Variants in TMSB4Y observed in about 807,000 individuals in gnomAD.
TMSB4Y encodes thymosin beta 4 Y-linked, also known as thymosin beta-4, Y-chromosomal.
TMSB4Y carries 2 observed loss-of-function variants against 1.0 expected under a neutral mutation model. The observed-to-expected ratio is 2.00, with a 90% CI of 0.82 to 6.31. The LOEUF is 6.31. Ranked by LOEUF, TMSB4Y falls within the 30% of genes most tolerant of loss-of-function variation. TMSB4Y has a pLI of 0.05. For missense variants in TMSB4Y, 12 were observed against 9.1 expected (o/e 1.31, Z -0.41); for synonymous variants, 7 against 3.6 (o/e 1.96, Z -1.08).
chrY:13,705,187 C>G (rs1177095740), intron 1 of TMSB4Y, 38 bp from the exon 2 acceptor site: 2 of 391,289 alleles, frequency 5.1e-6, no homozygotes, highest in South Asian at 3.0e-5. Flanking sequence ...AATCATCCCA[C>G]TCCATCTTTT....
In TMSB4Y at chrY:13,705,321, C is replaced by G. The variant is rs777729379; in HGVS notation, c.*62C>G. 4.3e-3 allele frequency: 1,375 copies of G among 323,421 alleles called. No homozygotes were observed. The highest frequency in any genetic ancestry group is 5.9e-3 in the Non-Finnish European group (1,284 of 218,885). The allele number at this position is 323,421 out of a possible 400,897, so 80.7% of individuals were successfully genotyped here. ...CAAGCATTGCTTTCTTATTTTACTT[C>G]TTTTACTTGTTTAACTTGGTTAGAT... On this transcript the variant is annotated 3_prime_UTR_variant, in exon 2 of 2. Coordinates refer to ENST00000284856, the MANE Select transcript of TMSB4Y (RefSeq NM_004202.3).
Position 13,705,239 on chromosome Y carries a change from A to T in TMSB4Y, c.115A>T (p.Arg39Trp). The T allele has an allele frequency of 7.5e-6, 3 of 397,958 alleles. No individual in the cohort carries two copies. In the South Asian group the frequency reaches 8.9e-5, roughly 12 times the overall value. Reference sequence around the variant, plus strand: ...TCTGGTCGCAGCTATCGAACAGGAGAGGCAAGCAGGCGAATCTTAAACAGG... The same window carrying T: ...TCTGGTCGCAGCTATCGAACAGGAGTGGCAAGCAGGCGAATCTTAAACAGG... ...LSSKETIEQE[R>W]QAGES Residue 39 changes from arginine to tryptophan, a missense_variant, in exon 2 of 2, where the codon AGG (arginine) becomes TGG (tryptophan). By Grantham distance (101) the Arg-to-Trp change is moderately radical. Transcript: ENST00000284856.
In TMSB4Y at chrY:13,704,454, C is replaced by T; in HGVS notation, c.100+19C>T. 2.9e-6 allele frequency: 1 copy of T among 349,669 alleles called. No homozygotes were observed. Among genetic ancestry groups the T allele is most frequent in the Non-Finnish European group, 4.2e-6 (1 of 240,601 alleles). The allele number at this position is 349,669 out of a possible 400,897, so 87.2% of individuals were successfully genotyped here. A position where few individuals can be genotyped will look rare whatever the true frequency, so the allele number is the denominator to read the frequency against. On this transcript the variant is annotated intron_variant, in intron 1 of 1. Transcript: ENST00000284856. Reference sequence around the variant, plus strand: ...AAAGAAAGTAAGCTCCGATCCTCCCCCATCTTTAGAAAGGCTGGAATGCGA... The same window carrying T: ...AAAGAAAGTAAGCTCCGATCCTCCCTCATCTTTAGAAAGGCTGGAATGCGA...
chrY:13,705,069 G>T, intron 1 of TMSB4Y, among the ~76,000 whole-genome samples, 156 bp from the exon 2 acceptor site: 1 of 33,337 alleles, frequency 3.0e-5, no homozygotes, highest in South Asian at 6.8e-4. Flanking sequence ...CTTGCAGAAC[G>T]TTTAGGATAT....
Position 13,704,390 on chromosome Y carries a change from A to C in TMSB4Y, c.55A>C (p.Lys19Gln). 2.3e-5 allele frequency: 9 copies of C among 396,611 alleles called. No individual in the cohort carries two copies. Among genetic ancestry groups the C allele is most frequent in the Non-Finnish European group, 2.8e-5 (8 of 281,895 alleles). ...CGAGAAATTCGATAAGTCGAAACTG[A>C]AGAAGACAGAAACGCAAGAGAAGAA... ...EIEKFDKSKL[K>Q]KTETQEKNPL... The change falls in exon 1 of 2, where the codon AAG becomes CAG. Residue 19 changes from lysine to glutamine, a missense_variant. Coordinates refer to ENST00000284856, the MANE Select transcript of TMSB4Y (RefSeq NM_004202.3).
intron 1 of TMSB4Y, 109 bp downstream of exon 1, chrY:13,704,544 C>T: frequency 5.4e-6 from 1 of 183,536 alleles, no homozygotes; most frequent in African/African-American, 8.5e-5. Context: ...CAGGGGAGGG[C>T]GCTCAAGGAG....
In TMSB4Y at chrY:13,705,992, G is replaced by A. The variant is rs2079761300; in HGVS notation, c.*733G>A. ...AGGGACTTAATTACAAACTTAAGAC[G>A]TAAGTGTGCAATAAAGTAAGCTAAG... On this transcript the variant is annotated 3_prime_UTR_variant, in exon 2 of 2. Coordinates refer to ENST00000284856, the MANE Select transcript of TMSB4Y (RefSeq NM_004202.3). 8.7e-5 allele frequency: 3 copies of A among 34,302 alleles called. No homozygotes were observed. The highest frequency in any genetic ancestry group is 6.4e-4 in the South Asian group (1 of 1,562). 8.6% of individuals were successfully genotyped at this position (34,302 alleles called of 400,897 possible).
chrY:13,705,212 T>C lies in TMSB4Y; in HGVS notation c.101-13T>C, dbSNP rs762784726. On this transcript the variant is annotated splice_polypyrimidine_tract_variant and intron_variant, in intron 1 of 1. Coordinates refer to ENST00000284856, the MANE Select transcript of TMSB4Y (RefSeq NM_004202.3). ...CTCCATCTTTTTCCTTTTCTGTTTT[T>C]TTCTGGTCGCAGCTATCGAACAGGA... 1.0e-5 allele frequency: 4 copies of C among 397,867 alleles called. No individual in the cohort carries two copies. Among genetic ancestry groups the C allele is most frequent in the Non-Finnish European group, 1.4e-5 (4 of 282,751 alleles).
chrY:13,704,325 C>T lies in TMSB4Y; in HGVS notation c.-11C>T, dbSNP rs774548459. On this transcript the variant is annotated 5_prime_UTR_variant, in exon 1 of 2. Transcript: ENST00000284856. ...CACTTTGGATTGCTCCCTACGGCTT[C>T]CTCCGCAGCCATGTCTGACAAACCT... 7.8e-6 allele frequency: 3 copies of T among 385,878 alleles called. No individual in the cohort carries two copies. The highest frequency in any genetic ancestry group is 1.1e-5 in the Non-Finnish European group (3 of 272,238).
chrY:13,704,354 A>G lies in TMSB4Y; in HGVS notation c.19A>G (p.Met7Val). Residue 7 changes from methionine (M) to valine (V), a missense_variant, in exon 1 of 2, where the codon ATG becomes GTG. Transcript: ENST00000284856. ...CGCAGCCATGTCTGACAAACCTGGT[A>G]TGGCTGAGATCGAGAAATTCGATAA... Reference protein sequence around the residue: MSDKPGMAEIEKFDKSK... With the variant: MSDKPGVAEIEKFDKSK... The G allele has an allele frequency of 2.5e-6, 1 of 396,836 alleles. No individual in the cohort carries two copies. The highest frequency in any genetic ancestry group is 3.0e-5 in the South Asian group (1 of 33,733).
Position 13,705,451 on chromosome Y carries a change from G to T in TMSB4Y, c.*192G>T. 9.5e-6 allele frequency: 1 copy of T among 105,437 alleles called. No individual in the cohort carries two copies. Among genetic ancestry groups the T allele is most frequent in the South Asian group, 1.4e-4 (1 of 7,181 alleles). The allele number at this position is 105,437 out of a possible 400,897, so 26.3% of individuals were successfully genotyped here. On this transcript the variant is annotated 3_prime_UTR_variant, in exon 2 of 2. Coordinates refer to ENST00000284856, the MANE Select transcript of TMSB4Y (RefSeq NM_004202.3). ...GCTTCTCCCATCGCCTGTCTGGCTG[G>T]CAGGGAAGGAAAATAGCTTGAATGT... is the stretch of plus-strand genomic sequence containing the variant.
chrY:13,705,530 T>C lies in TMSB4Y; in HGVS notation c.*271T>C. ...CAGTGAAATCTAGAGTAAAACCAAG[T>C]TGGGCCAAGTGTCCTGCAGAATCTA... On this transcript the variant is annotated 3_prime_UTR_variant, in exon 2 of 2. Coordinates refer to ENST00000284856, the MANE Select transcript of TMSB4Y (RefSeq NM_004202.3). 1 of 73,582 alleles carries C rather than the reference T, an allele frequency of 1.4e-5. No homozygotes were observed. Among genetic ancestry groups the C allele is most frequent in the Non-Finnish European group, 2.6e-5 (1 of 38,265 alleles). 18.4% of individuals were successfully genotyped at this position (73,582 alleles called of 400,897 possible).
Position 13,704,220 on chromosome Y carries a change from G to A in TMSB4Y, c.-116G>A. The A allele has an allele frequency of 6.1e-6, 1 of 163,544 alleles. No individual in the cohort carries two copies. The highest frequency in any genetic ancestry group is 1.2e-5 in the Non-Finnish European group (1 of 85,518). The allele number at this position is 163,544 out of a possible 400,897, so 40.8% of individuals were successfully genotyped here. ...ACAGCAGGGGACGGAGGGCGAGAAGGGCTTTCTCAGGTTGCGGGTCGGAGG... is the reference window on the plus strand; with the variant it reads ...ACAGCAGGGGACGGAGGGCGAGAAGAGCTTTCTCAGGTTGCGGGTCGGAGG... On this transcript the variant is annotated 5_prime_UTR_variant, in exon 1 of 2. Transcript: ENST00000284856.
chrY:13,705,375 C>A lies in TMSB4Y; in HGVS notation c.*116C>A. The A allele has an allele frequency of 1.2e-5, 2 of 163,369 alleles. No homozygotes were observed. 40.8% of individuals were successfully genotyped at this position (163,369 alleles called of 400,897 possible). On this transcript the variant is annotated 3_prime_UTR_variant, in exon 2 of 2. Coordinates refer to ENST00000284856, the MANE Select transcript of TMSB4Y (RefSeq NM_004202.3). Reference sequence around the variant, plus strand: ...AACACGTTGGATGAGTTTGAAAGGACTATGCTGCCCTTTTGACATCAAAGA... The same window carrying A: ...AACACGTTGGATGAGTTTGAAAGGAATATGCTGCCCTTTTGACATCAAAGA...
Position 13,705,360 on chromosome Y carries a change from A to G in TMSB4Y, c.*101A>G. ...ACTTGGTTAGATGCAAACACGTTGGATGAGTTTGAAAGGACTATGCTGCCC... is the reference window on the plus strand; with the variant it reads ...ACTTGGTTAGATGCAAACACGTTGGGTGAGTTTGAAAGGACTATGCTGCCC... On this transcript the variant is annotated 3_prime_UTR_variant, in exon 2 of 2. Transcript: ENST00000284856. 1 of 235,861 alleles carries G rather than the reference A, an allele frequency of 4.2e-6. No homozygotes were observed. Among genetic ancestry groups the G allele is most frequent in the Non-Finnish European group, 6.9e-6 (1 of 144,421 alleles). 58.8% of individuals were successfully genotyped at this position (235,861 alleles called of 400,897 possible).
In TMSB4Y at chrY:13,704,109, G is replaced by C; in HGVS notation, c.-227G>C. ...GAACATTCCACTTTGAGAGGGATCT[G>C]TCCTCTTTGGTCCCCTGCGTTTTCA... On this transcript the variant is annotated 5_prime_UTR_variant, in exon 1 of 2. Coordinates refer to ENST00000284856, the MANE Select transcript of TMSB4Y (RefSeq NM_004202.3). 3 of 119,395 alleles carry C rather than the reference G, an allele frequency of 2.5e-5. No homozygotes were observed. Among genetic ancestry groups the C allele is most frequent in the Non-Finnish European group, 4.9e-5 (3 of 61,370 alleles). 29.8% of individuals were successfully genotyped at this position (119,395 alleles called of 400,897 possible). A position where few individuals can be genotyped will look rare whatever the true frequency, so the allele number is the denominator to read the frequency against.
chrY:13,704,202 G>C lies in TMSB4Y; in HGVS notation c.-134G>C. ...GAAGCTCATGAGCGCGAAACAGCAG[G>C]GGACGGAGGGCGAGAAGGGCTTTCT... is the stretch of plus-strand genomic sequence containing the variant. On this transcript the variant is annotated 5_prime_UTR_variant, in exon 1 of 2. Coordinates refer to ENST00000284856, the MANE Select transcript of TMSB4Y (RefSeq NM_004202.3). 1 of 151,874 alleles carries C rather than the reference G, an allele frequency of 6.6e-6. No individual in the cohort carries two copies. The allele number at this position is 151,874 out of a possible 400,897, so 37.9% of individuals were successfully genotyped here. A position where few individuals can be genotyped will look rare whatever the true frequency, so the allele number is the denominator to read the frequency against.
chrY:13,704,721 T>G, intron 1 of TMSB4Y, among the ~76,000 whole-genome samples: 1 of 32,896 alleles, frequency 3.0e-5, no homozygotes, highest in Admixed American at 2.7e-4. Context: ...ATTAACTTGG[T>G]TTGCTGGAGG....
chrY:13,705,450 G>A lies in TMSB4Y; in HGVS notation c.*191G>A. The A allele has an allele frequency of 9.5e-6, 1 of 105,260 alleles. No homozygotes were observed. The allele number at this position is 105,260 out of a possible 400,897, so 26.3% of individuals were successfully genotyped here. A position where few individuals can be genotyped will look rare whatever the true frequency, so the allele number is the denominator to read the frequency against. On this transcript the variant is annotated 3_prime_UTR_variant, in exon 2 of 2. Transcript: ENST00000284856. ...TGCTTCTCCCATCGCCTGTCTGGCT[G>A]GCAGGGAAGGAAAATAGCTTGAATG...
Sources: gnomAD v4.1 joint callset for allele counts (sites outside exome capture counted in the v4.1 genomes callset) on GRCh38, gnomAD v4.1.1 for gene constraint, MANE v1.5 for transcripts, NCBI Gene and HGNC (gene_info 2026-07-23, HGNC 2026-07-21) for gene names.